Variants in F11R observed in about 807,000 individuals in gnomAD.
The protein encoded by F11R is F11 receptor.
F11R carries 27 observed loss-of-function variants against 39.3 expected under a neutral mutation model. The ratio of observed to expected loss-of-function variants is 0.69; its 90% confidence interval spans 0.51 to 0.95. The LOEUF is 0.95. Ranked by LOEUF, F11R falls within the 40% of genes least tolerant of loss-of-function variation. F11R has a pLI of 0.00. For missense variants in F11R, 335 were observed against 372.7 expected (o/e 0.90, Z 0.83); for synonymous variants, 131 against 144.9 (o/e 0.90, Z 0.69).
Position 161,006,228 on chromosome 1 carries a change from C to T in F11R, c.65-4875G>A, listed in dbSNP as rs151001281. 3.5e-3 allele frequency among the ~76,000 whole-genome samples: 528 copies of T among 152,166 alleles called. 1 individual carries two copies. The highest frequency in any genetic ancestry group is 0.012 in the African/African-American group (508 of 41,506). On this transcript the variant is annotated intron_variant, in intron 1 of 9. Coordinates refer to ENST00000368026, the MANE Select transcript of F11R (RefSeq NM_016946.6). ...GGCCTCACCAAGACTATAACGCAAA[C>T]TTGGCCTCTCCCTCTGTCCAACTTT...
chr1:160,998,740 G>T lies in F11R; in HGVS notation c.*131C>A. The T allele has an allele frequency of 1.2e-6, 1 of 826,402 alleles. No homozygotes were observed. The highest frequency in any genetic ancestry group is 1.5e-5 in the South Asian group (1 of 65,530). The allele number at this position is 826,402 out of a possible 1,614,324, so 51.2% of individuals were successfully genotyped here. On this transcript the variant is annotated 3_prime_UTR_variant, in exon 10 of 10. Transcript: ENST00000368026. ...AGCTGACATTATTAAAAACACATCC[G>T]AAGAAGTAGGGGGCCCTGTGGGGTG...
intron 1 of F11R, among the ~76,000 whole-genome samples, chr1:161,019,455 C>G (rs772996467): frequency 6.6e-6 from 1 of 151,754 alleles, no homozygotes; most frequent in Non-Finnish European, 1.5e-5. Context: ...ATTAGCCGGG[C>G]GTGATGGTGC....
rs374688436 is a variant in F11R at position 161,021,105 on chromosome 1, A to G, written c.-32T>C. On this transcript the variant is annotated 5_prime_UTR_variant, in exon 1 of 10. Transcript: ENST00000368026. ...CAGGCTCCCGACACAACAGCCGCCG[A>G]AGGACTCCTGGGAACAGACACAGCT... 3 of 1,597,354 alleles carry G rather than the reference A, an allele frequency of 1.9e-6. No individual in the cohort carries two copies. Among genetic ancestry groups the G allele is most frequent in the Non-Finnish European group, 2.6e-6 (3 of 1,166,096 alleles).
At position 160,999,038 on chromosome 1, in the gene F11R, C is replaced by A. The variant is rs558582675; in HGVS notation, c.864+5G>T. 6.2e-7 allele frequency: 1 copy of A among 1,614,246 alleles called. No homozygotes were observed. Among genetic ancestry groups the A allele is most frequent in the Non-Finnish European group, 8.5e-7 (1 of 1,180,042 alleles). ...CCCACCCCTGCCCAGGGGAGGCATA[C>A]TCACTTCACTTCGGGCACTAGGCTG... On this transcript the variant is annotated splice_donor_5th_base_variant and intron_variant, in intron 9 of 9. Coordinates refer to ENST00000368026, the MANE Select transcript of F11R (RefSeq NM_016946.6).
In F11R at chr1:160,998,757, T is replaced by C; in HGVS notation, c.*114A>G. The C allele has an allele frequency of 1.0e-6, 1 of 1,000,592 alleles. No homozygotes were observed. Among genetic ancestry groups the C allele is most frequent in the Middle Eastern group, 2.1e-4 (1 of 4,814 alleles). The allele number at this position is 1,000,592 out of a possible 1,614,324, so 62.0% of individuals were successfully genotyped here. On this transcript the variant is annotated 3_prime_UTR_variant, in exon 10 of 10. Transcript: ENST00000368026. ...ACACATCCGAAGAAGTAGGGGGCCC[T>C]GTGGGGTGTAGAAGACAAATAAGGC...
chr1:161,014,578 C>T (rs1649344865), intron 1 of F11R, among the ~76,000 whole-genome samples: 1 of 152,202 alleles, frequency 6.6e-6, no homozygotes, highest in Admixed American at 6.5e-5. Context: ...GCTCACCACT[C>T]ACACTTGCCT....
intron 1 of F11R, among the ~76,000 whole-genome samples, chr1:161,009,287 T>C (rs1219174692): frequency 6.6e-6 from 1 of 152,132 alleles, no homozygotes; most frequent in Non-Finnish European, 1.5e-5. Flanking sequence ...CACATTATAA[T>C]GACATCATCT....
Position 160,998,532 on chromosome 1 carries a change from G to C in F11R, c.*339C>G, listed in dbSNP as rs887938948. ...AAGATCCCTGCCAGCCAGGTGGGCA[G>C]TTGAGTGCAGATTCCTGCGACCCCC... On this transcript the variant is annotated 3_prime_UTR_variant, in exon 10 of 10. Coordinates refer to ENST00000368026, the MANE Select transcript of F11R (RefSeq NM_016946.6). 1.4e-5 allele frequency: 7 copies of C among 487,032 alleles called. No individual in the cohort carries two copies. The highest frequency in any genetic ancestry group is 3.7e-5 in the Admixed American group (1 of 26,820). The allele number at this position is 487,032 out of a possible 1,614,324, so 30.2% of individuals were successfully genotyped here.
In F11R at chr1:160,998,661, C is replaced by A; in HGVS notation, c.*210G>T. On this transcript the variant is annotated 3_prime_UTR_variant, in exon 10 of 10. Coordinates refer to ENST00000368026, the MANE Select transcript of F11R (RefSeq NM_016946.6). ...ATAAACACTTTAAACAAGTTCCAGG[C>A]CACTCAGCAGTGGTAGGAAAGGGAG... The A allele has an allele frequency of 1.6e-6, 1 of 610,416 alleles. No homozygotes were observed. The highest frequency in any genetic ancestry group is 2.7e-5 in the East Asian group (1 of 36,510). 37.8% of individuals were successfully genotyped at this position (610,416 alleles called of 1,614,324 possible).
At chr1:161,013,946 C>T (rs906294526) in intron 1 of F11R, among the ~76,000 whole-genome samples, 2 of 152,196 alleles carry the variant, frequency 1.3e-5, no homozygotes, top group Admixed American at 1.3e-4. Context: ...CCTCCTGTTC[C>T]GCCCCTACAT....
At chr1:161,006,993 G>C (rs886299392) in intron 1 of F11R, among the ~76,000 whole-genome samples, 1 of 151,908 alleles carries the variant, frequency 6.6e-6, no homozygotes, top group Admixed American at 6.6e-5. Context: ...GCAAAAATCC[G>C]TCTCTACTAA....
chr1:161,020,331 T>C (rs1160570517), intron 1 of F11R, among the ~76,000 whole-genome samples: 1 of 152,106 alleles, frequency 6.6e-6, no homozygotes, highest in Non-Finnish European at 1.5e-5. Flanking sequence ...AGTCACTCAA[T>C]CAACAACACG....
At position 160,999,902 on chromosome 1, in the gene F11R, G is replaced by C. The variant is rs1165709089; in HGVS notation, c.668C>G (p.Thr223Ser). Residue 223 changes from threonine to serine, a missense_variant, in exon 6 of 10, where the codon ACT becomes AGT. By Grantham distance (58) the Thr-to-Ser change is moderately conservative. Coordinates refer to ENST00000368026, the MANE Select transcript of F11R (RefSeq NM_016946.6). ...AGCTTCCATGCGCACAGCATTTGAA[G>C]TCATGGGTGTCCCATACCCATTCCG... ...EARNGYGTPM[T>S]SNAVRMEAVE... 2 of 1,614,212 alleles carry C rather than the reference G, an allele frequency of 1.2e-6. No individual in the cohort carries two copies. Among genetic ancestry groups the C allele is most frequent in the East Asian group, 4.5e-5 (2 of 44,890 alleles).
chr1:161,008,224 G>A (rs1401701056), intron 1 of F11R, among the ~76,000 whole-genome samples: 3 of 151,896 alleles, frequency 2.0e-5, no homozygotes, highest in African/African-American at 7.3e-5. Flanking sequence ...AGCCAGGCAC[G>A]GTGACTCACG....
At chr1:161,014,429 G>A (rs1649335951) in intron 1 of F11R, among the ~76,000 whole-genome samples, 1 of 152,142 alleles carries the variant, frequency 6.6e-6, no homozygotes, top group African/African-American at 2.4e-5. Context: ...TATGGGCCAG[G>A]TGTAGTGACT....
In F11R at chr1:160,999,926, C is replaced by T. The variant is rs755819660; in HGVS notation, c.644G>A (p.Arg215Gln). ...SDTGEYSCEA[R>Q]NGYGTPMTSN... ...AGTCATGGGTGTCCCATACCCATTC[C>T]GTGCCTCACAGCTGTATTCTCCAGT... The change falls in exon 6 of 10, where the codon CGG becomes CAG. Residue 215 changes from arginine to glutamine, a missense_variant. Physicochemically the swap from Arg to Gln is conservative, Grantham distance 43 (BLOSUM62 1). Transcript: ENST00000368026. 7 of 1,614,190 alleles carry T rather than the reference C, an allele frequency of 4.3e-6. No homozygotes were observed. The highest frequency in any genetic ancestry group is 2.7e-5 in the African/African-American group (2 of 75,058).
intron 1 of F11R, among the ~76,000 whole-genome samples, chr1:161,005,229 T>G (rs1280221080): frequency 6.6e-6 from 1 of 151,374 alleles, no homozygotes; most frequent in Non-Finnish European, 1.5e-5. Context: ...AAATAGCTTT[T>G]ATTAAATTGA....
chr1:161,003,515 A>G (rs1044620575), intron 1 of F11R, among the ~76,000 whole-genome samples: 3 of 152,008 alleles, frequency 2.0e-5, no homozygotes, highest in Non-Finnish European at 4.4e-5. Flanking sequence ...TGCCCGCTGC[A>G]GCCGCCCAAA....
At chr1:160,999,565 G>C (rs138342973) in intron 7 of F11R, 75 bp downstream of exon 7, 2 of 1,503,314 alleles carry the variant, frequency 1.3e-6, no homozygotes, top group African/African-American at 2.7e-5. Flanking sequence ...ATCAGGGTCA[G>C]TACTCAGATG....
Sources: allele counts gnomAD v4.1 joint callset (sites outside exome capture counted in the v4.1 genomes callset), GRCh38; gene constraint gnomAD v4.1.1; transcripts MANE v1.5; gene names NCBI Gene and HGNC (gene_info 2026-07-23, HGNC 2026-07-21).